Variants in CLPX observed in about 807,000 individuals in gnomAD.
The protein encoded by CLPX is ATP-dependent clpX-like chaperone, mitochondrial.
Under a neutral mutation model 76.4 loss-of-function variants are expected in CLPX, and 34 were observed. That is an observed-to-expected ratio of 0.45 (90% CI 0.34 to 0.59). CLPX has a LOEUF of 0.59. Ranked by LOEUF, CLPX falls within the 20% of genes least tolerant of loss-of-function variation. CLPX has a pLI of 0.01. For synonymous variants in CLPX, 248 were observed against 270.9 expected, an observed-to-expected ratio of 0.92 and a Z score of 0.83; for missense variants, 613 against 757.0, an observed-to-expected ratio of 0.81 and a Z score of 2.23.
At chr15:65,170,664 C>T (rs1012363075) in intron 3 of CLPX, among the ~76,000 whole-genome samples, 1 of 151,782 alleles carries the variant, frequency 6.6e-6, no homozygotes, top group Non-Finnish European at 1.5e-5. Context: ...ACCTGAGAGG[C>T]TGAGGCAGGA....
At chr15:65,160,877 C>T (rs2087848392) in intron 6 of CLPX, among the ~76,000 whole-genome samples, 1 of 152,164 alleles carries the variant, frequency 6.6e-6, no homozygotes, top group Admixed American at 6.5e-5. Context: ...GTGCATCTCT[C>T]ACTGTGTAAG....
At chr15:65,168,842 G>C (rs556075850) in intron 3 of CLPX, among the ~76,000 whole-genome samples, 1 of 151,518 alleles carries the variant, frequency 6.6e-6, no homozygotes, top group Non-Finnish European at 1.5e-5. Context: ...TATGTTAAAG[G>C]TGATTTATTT....
intron 3 of CLPX, 43 bp downstream of exon 3, chr15:65,178,891 G>T: frequency 9.0e-7 from 1 of 1,115,192 alleles, no homozygotes; most frequent in Non-Finnish European, 1.3e-6. Context: ...GTAATTTACA[G>T]AAAATGTAGG....
At chr15:65,183,497 C>CAGACAGAA (rs2088208427) in intron 1 of CLPX, among the ~76,000 whole-genome samples, 1 of 128,418 alleles carries the variant, frequency 7.8e-6, no homozygotes, top group African/African-American at 2.9e-5. Flanking sequence ...GAAAATAAGA[C>CAGACAGAA]AGACAGAAAG....
intron 3 of CLPX, 125 bp from the exon 4 acceptor site, chr15:65,166,910 A>T (rs1566982674): frequency 1.2e-6 from 1 of 859,942 alleles, no homozygotes; most frequent in Non-Finnish European, 1.7e-6. Context: ...TGTTCAATCT[A>T]CTTGCCACAC....
intron 3 of CLPX, among the ~76,000 whole-genome samples, chr15:65,175,209 G>A: frequency 6.6e-6 from 1 of 152,232 alleles, no homozygotes; most frequent in East Asian, 1.9e-4. Flanking sequence ...ATGCAGGCCA[G>A]GCATGGTGGC....
chr15:65,177,322 G>A (rs1351242596), intron 3 of CLPX, among the ~76,000 whole-genome samples: 1 of 152,148 alleles, frequency 6.6e-6, no homozygotes, highest in East Asian at 1.9e-4. Context: ...GCCCGCCTCG[G>A]CCTCCCAAAG....
rs920694263 is a variant in CLPX at position 65,160,619 on chromosome 15, TCTCTCACACACA to T, written c.716-1880_716-1869del. 3.2e-4 allele frequency among the ~76,000 whole-genome samples: 42 copies of T among 132,736 alleles called. No homozygotes were observed. In the South Asian group the frequency reaches 7.9e-3, roughly 25 times the overall value. The allele number at this position is 132,736 out of a possible 152,430, so 87.1% of individuals were successfully genotyped here. A position where few individuals can be genotyped will look rare whatever the true frequency, so the allele number is the denominator to read the frequency against. ...CTCTCTCTCTCTCTCTCTCTCTCTC[TCTCTCACACACA>T]CACACACACACACACACACACACAC... On this transcript the variant is annotated intron_variant, in intron 6 of 13. Coordinates refer to ENST00000300107, the MANE Select transcript of CLPX (RefSeq NM_006660.5).
Position 65,149,941 on chromosome 15 carries a change from AAGTT to A in CLPX, c.*878_*881del, listed in dbSNP as rs1293738695. 6.5e-6 allele frequency: 1 copy of A among 154,402 alleles called. No homozygotes were observed. Among genetic ancestry groups the A allele is most frequent in the African/African-American group, 2.4e-5 (1 of 41,422 alleles). The allele number at this position is 154,402 out of a possible 1,614,324, so 9.6% of individuals were successfully genotyped here. On this transcript the variant is annotated 3_prime_UTR_variant, in exon 14 of 14. Coordinates refer to ENST00000300107, the MANE Select transcript of CLPX (RefSeq NM_006660.5). ...GGCCTTTTTTACAGAACCAATTGGGAAGTTAGTGTCATGCATTAGCAGATAAGAC... is the reference window on the plus strand; with the variant it reads ...GGCCTTTTTTACAGAACCAATTGGGAAGTGTCATGCATTAGCAGATAAGAC...
chr15:65,180,145 G>C lies in CLPX; in HGVS notation c.139C>G (p.Gln47Glu), dbSNP rs372624454. The C allele has an allele frequency of 2.5e-6, 4 of 1,612,548 alleles. No individual in the cohort carries two copies. In the South Asian group the frequency reaches 3.3e-5, roughly 13 times the overall value. ...VLGRLGTFET[Q>E]ILQRAPLRSF... ...CTAAGAGGAGCTCTTTGCAGAATCTGAGTTTCAAATGTCCCAAGCCTTCCT... is the reference window on the plus strand; with the variant it reads ...CTAAGAGGAGCTCTTTGCAGAATCTCAGTTTCAAATGTCCCAAGCCTTCCT... Residue 47 changes from glutamine to glutamate, a missense_variant, in exon 2 of 14, where the codon CAG (glutamine) becomes GAG (glutamate). Gln to Glu is a conservative substitution (Grantham distance 29). Transcript: ENST00000300107.
rs867518178 is a variant in CLPX at position 65,166,762 on chromosome 15, C to T, written c.382G>A (p.Glu128Lys). ...FVSSTRFVKC[E>K]KCHHFFVVLS... ...ACAACAAAAAAATGATGACACTTTT[C>T]ACACTTGACAAAACGGGTGGATGCT... Residue 128 changes from glutamate to lysine, a missense_variant, in exon 4 of 14, where the codon GAA (glutamate) becomes AAA (lysine). Physicochemically the swap from Glu to Lys is moderately conservative, Grantham distance 56. Around this residue, in one of 2 missense-constraint regions of CLPX, gnomAD observed 450 missense variants for 638.6 expected, o/e 0.70. Transcript: ENST00000300107. 6.2e-7 allele frequency: 1 copy of T among 1,613,526 alleles called. No homozygotes were observed. Among genetic ancestry groups the T allele is most frequent in the Middle Eastern group, 1.7e-4 (1 of 6,058 alleles).
At chr15:65,152,180 G>A (rs960051250) in intron 13 of CLPX, among the ~76,000 whole-genome samples, 5 of 151,980 alleles carry the variant, frequency 3.3e-5, no homozygotes, top group Admixed American at 2.6e-4. Flanking sequence ...CGCCCACCTC[G>A]GCCTCCTGAA....
chr15:65,163,228 G>T lies in CLPX; in HGVS notation c.674-583C>A, dbSNP rs186431495. Among the ~76,000 whole-genome samples the T allele has an allele frequency of 6.6e-5, 10 of 152,060 alleles. No individual in the cohort carries two copies. The East Asian group carries it at 1.9e-3, about 29-fold the overall frequency. ...GACCTTGTCTTGAAAAAAAGAAAAA[G>T]GTTCCAAGTCATCCGTTAGTTATGA... On this transcript the variant is annotated intron_variant, in intron 5 of 13. Coordinates refer to ENST00000300107, the MANE Select transcript of CLPX (RefSeq NM_006660.5).
rs1207264257 is a variant in CLPX, at chr15:65,152,463, A to G, written c.1778T>C (p.Val593Ala). ...TCCTGGTTCCTTTTTTCCTTCTACT[A>G]CTTCTTTGTCAACCTCCACACATAC... Reference protein sequence around the residue: ...DIVCVEVDKEVVEGKKEPGYI... With the variant: ...DIVCVEVDKEAVEGKKEPGYI... Residue 593 changes from valine (V) to alanine (A), a missense_variant, in exon 13 of 14, where the codon GTA becomes GCA. Val to Ala is a moderately conservative substitution (Grantham distance 64). Transcript: ENST00000300107. The G allele has an allele frequency of 1.3e-6, 2 of 1,559,954 alleles. No homozygotes were observed. Among genetic ancestry groups the G allele is most frequent in the East Asian group, 4.8e-5 (2 of 42,048 alleles).
At position 65,185,143 on chromosome 15, in the gene CLPX, C is replaced by T. The variant is rs1210338162; in HGVS notation, c.11G>A (p.Cys4Tyr). 6.4e-7 allele frequency: 1 copy of T among 1,570,780 alleles called. No individual in the cohort carries two copies. Among genetic ancestry groups the T allele is most frequent in the Non-Finnish European group, 8.6e-7 (1 of 1,157,974 alleles). Residue 4 changes from cysteine (C) to tyrosine (Y), a missense_variant, in exon 1 of 14, where the codon TGC becomes TAC. This residue lies in a region of CLPX where 163 missense variants were observed against 118.4 expected (regional missense o/e 1.38). Transcript: ENST00000300107. MPS[C>Y]GACTCGAAAV... ...CGCCGCGCCGCAAGTACAAGCACCG[C>T]AGCTGGGCATCTCCGCGAGGCCTAG...
intron 3 of CLPX, among the ~76,000 whole-genome samples, chr15:65,173,733 G>C (rs2088046124): frequency 6.6e-6 from 1 of 152,162 alleles, no homozygotes; most frequent in Admixed American, 6.5e-5. Flanking sequence ...CTGCAAACTG[G>C]ATAAACTTTA....
chr15:65,175,112 C>A (rs893366588), intron 3 of CLPX, among the ~76,000 whole-genome samples: 1 of 152,140 alleles, frequency 6.6e-6, no homozygotes, highest in South Asian at 2.1e-4. Context: ...ATTACTTAAA[C>A]AGGCCATTCA....
intron 6 of CLPX, among the ~76,000 whole-genome samples, chr15:65,161,385 C>T (rs1319201621): frequency 2.0e-5 from 3 of 152,186 alleles, no homozygotes; most frequent in African/African-American, 7.2e-5. Context: ...GTGTTAGGGT[C>T]TAACACCCCC....
At chr15:65,183,258 C>G (rs1000032302) in intron 1 of CLPX, among the ~76,000 whole-genome samples, 8 of 151,218 alleles carry the variant, frequency 5.3e-5, no homozygotes, top group Non-Finnish European at 1.2e-4. Context: ...ATCAGGAGAT[C>G]GAGACCATCC....
Sources: allele counts gnomAD v4.1 joint callset (sites outside exome capture counted in the v4.1 genomes callset), GRCh38; gene constraint gnomAD v4.1.1; regional missense constraint gnomAD v4.1.1; transcripts MANE v1.5; gene names NCBI Gene and HGNC (gene_info 2026-07-23, HGNC 2026-07-21).